Variants in AP1S3 observed in about 807,000 individuals in gnomAD.
AP1S3 encodes the protein AP-1 complex subunit sigma-3.
A neutral mutation model predicts 20.9 loss-of-function variants in AP1S3; 10 were observed. That is an observed-to-expected ratio of 0.48 (90% confidence interval 0.29 to 0.81). AP1S3 has a LOEUF of 0.81. Among genes scored for constraint, AP1S3 ranks in the 30% least tolerant of loss-of-function variants. AP1S3 has a pLI of 0.08. For synonymous variants in AP1S3, 41 were observed against 61.5 expected (o/e 0.67, Z 1.56); for missense variants, 154 against 183.8 (o/e 0.84, Z 0.94).
chr2:223,808,888 G>A (rs1691645956), intron 1 of AP1S3, among the ~76,000 whole-genome samples: 2 of 152,148 alleles, frequency 1.3e-5, no homozygotes, highest in Non-Finnish European at 2.9e-5. Context: ...CCCAGCTACT[G>A]GGAGGCTGAG....
At chr2:223,783,096 T>C (rs998968956) in intron 1 of AP1S3, among the ~76,000 whole-genome samples, 1 of 152,340 alleles carries the variant, frequency 6.6e-6, no homozygotes, top group South Asian at 2.1e-4. Context: ...TAAATGCAAG[T>C]TGATGTCATA....
intron 3 of AP1S3, among the ~76,000 whole-genome samples, chr2:223,774,199 T>C (rs2106087092): frequency 6.6e-6 from 1 of 152,166 alleles, no homozygotes; most frequent in Non-Finnish European, 1.5e-5. Flanking sequence ...ACCCCATCTC[T>C]AATAAAAATA....
chr2:223,777,967 T>A, intron 1 of AP1S3, 98 bp from the exon 2 acceptor site: 1 of 1,123,364 alleles, frequency 8.9e-7, no homozygotes, highest in Non-Finnish European at 1.2e-6. Flanking sequence ...CACAGAAAGA[T>A]AATTCTGAAC....
At chr2:223,771,193 C>T (rs924020185) in intron 3 of AP1S3, among the ~76,000 whole-genome samples, 1 of 151,880 alleles carries the variant, frequency 6.6e-6, no homozygotes, top group East Asian at 2.0e-4. Flanking sequence ...AAAAATTAGC[C>T]AGGCATGGTG....
Position 223,807,426 on chromosome 2 carries a change from T to C in AP1S3, c.4-29557A>G, listed in dbSNP as rs1344198380. On this transcript the variant is annotated intron_variant, in intron 1 of 4. Coordinates refer to ENST00000396654, the MANE Select transcript of AP1S3 (RefSeq NM_001039569.2). ...ACTCAATAAAATAGGGCTTTGTTGA[T>C]ACTGGGTTTGGGTTGAGAAAGAGCC... 3.3e-5 allele frequency among the ~76,000 whole-genome samples: 5 copies of C among 152,220 alleles called. No homozygotes were observed. The East Asian group carries it at 9.6e-4, about 29-fold the overall frequency.
At chr2:223,811,099 T>A (rs1182204967) in intron 1 of AP1S3, among the ~76,000 whole-genome samples, 1 of 151,506 alleles carries the variant, frequency 6.6e-6, no homozygotes, top group African/African-American at 2.4e-5. Context: ...TCTTCACCTT[T>A]TTTTTTTTCT....
chr2:223,760,159 G>A (rs1391975331), intron 4 of AP1S3, among the ~76,000 whole-genome samples: 1 of 152,064 alleles, frequency 6.6e-6, no homozygotes, highest in African/African-American at 2.4e-5. Flanking sequence ...ATATATTTGT[G>A]TCACACCAGG....
At chr2:223,776,389 C>T (rs767618626) in intron 2 of AP1S3, among the ~76,000 whole-genome samples, 1 of 152,202 alleles carries the variant, frequency 6.6e-6, no homozygotes, top group Non-Finnish European at 1.5e-5. Context: ...GCTCCCCACC[C>T]TCCCACTTCA....
At chr2:223,809,445 G>A (rs1371067103) in intron 1 of AP1S3, among the ~76,000 whole-genome samples, 4 of 151,960 alleles carry the variant, frequency 2.6e-5, no homozygotes, top group African/African-American at 4.8e-5. Context: ...AGGAGTTCGC[G>A]ACCAGCCTGA....
At chr2:223,772,449 C>T (rs1334208118) in intron 3 of AP1S3, among the ~76,000 whole-genome samples, 1 of 152,170 alleles carries the variant, frequency 6.6e-6, no homozygotes, top group Non-Finnish European at 1.5e-5. Flanking sequence ...GATCAACATC[C>T]TCACACACTG....
Position 223,827,635 on chromosome 2 carries a change from C to A in AP1S3, c.3+9813G>T, listed in dbSNP as rs190934558. On this transcript the variant is annotated intron_variant, in intron 1 of 4. Transcript: ENST00000396654. ...TCCTGATCTCAAGTGATCTACCCAC[C>A]TCACCCTCCCAAAGTGCTGAGATTA... Among the ~76,000 whole-genome samples the A allele has an allele frequency of 1.4e-3, 209 of 152,090 alleles. 2 individuals are homozygous for A. The highest frequency in any genetic ancestry group is 6.8e-3 in the Middle Eastern group (2 of 292).
intron 3 of AP1S3, chr2:223,773,413 T>C (rs1360472977): frequency 1.6e-6 from 2 of 1,268,638 alleles, no homozygotes; most frequent in Non-Finnish European, 2.1e-6. Context: ...GTAGAAAGTA[T>C]TAAATAATAT....
intron 1 of AP1S3, among the ~76,000 whole-genome samples, chr2:223,817,356 C>A (rs1691867797): frequency 6.6e-6 from 1 of 152,036 alleles, no homozygotes; most frequent in Non-Finnish European, 1.5e-5. Flanking sequence ...TGCCTATAAT[C>A]CCAGAACTTT....
At chr2:223,793,577 G>GAGAGCATCAGGAAGAATAGCTAAGGAGGA (rs897811279) in intron 1 of AP1S3, among the ~76,000 whole-genome samples, 8 of 152,084 alleles carry the variant, frequency 5.3e-5, no homozygotes, top group Non-Finnish European at 1.2e-4. Context: ...TAGGAGGAGG[G>GAGAGCATCAGGAAGAATAGCTAAGGAGGA]AGAGCATCAG....
At chr2:223,782,479 C>T (rs949805049) in intron 1 of AP1S3, among the ~76,000 whole-genome samples, 3 of 152,130 alleles carry the variant, frequency 2.0e-5, no homozygotes, top group African/African-American at 4.8e-5. Context: ...CCTAGATCAA[C>T]GTTGGAAGTT....
chr2:223,832,810 T>G (rs61417691), intron 1 of AP1S3, among the ~76,000 whole-genome samples: 10,070 of 51,332 alleles, frequency 0.2, 367 homozygotes, highest in East Asian at 0.35. Context: ...CTTTTTTCTT[T>G]TTTTTTTTTT....
At position 223,799,208 on chromosome 2, in the gene AP1S3, G is replaced by GACACACACACAC. The variant is rs10527751; in HGVS notation, c.4-21351_4-21340dup. The stretch of plus-strand genomic sequence containing the variant: ...CATATAAAAGGGAAATTCGGGCCTA[G>GACACACACACAC]ACACACACACACACACACACACACA... On this transcript the variant is annotated intron_variant, in intron 1 of 4. Coordinates refer to ENST00000396654, the MANE Select transcript of AP1S3 (RefSeq NM_001039569.2). 5.1e-4 allele frequency among the ~76,000 whole-genome samples: 75 copies of GACACACACACAC among 145,992 alleles called. 1 individual carries two copies. The highest frequency in any genetic ancestry group is 3.0e-3 in the South Asian group (13 of 4,382).
chr2:223,759,295 A>AAG (rs1186604803), intron 4 of AP1S3, among the ~76,000 whole-genome samples: 3 of 150,110 alleles, frequency 2.0e-5, no homozygotes, highest in East Asian at 2.0e-4. Flanking sequence ...AAAAAAAAAA[A>AAG]AGAGAGAGAG....
At chr2:223,767,005 G>A (rs1156901485) in intron 3 of AP1S3, among the ~76,000 whole-genome samples, 2 of 151,712 alleles carry the variant, frequency 1.3e-5, no homozygotes, top group Non-Finnish European at 2.9e-5. Context: ...GTTGAACAAT[G>A]AGAACACATG....
Sources: allele counts gnomAD v4.1 joint callset (sites outside exome capture counted in the v4.1 genomes callset), GRCh38; gene constraint gnomAD v4.1.1; transcripts MANE v1.5; gene names NCBI Gene and HGNC (gene_info 2026-07-23, HGNC 2026-07-21).